The following ANKRD6 variants were observed in gnomAD, a reference collection of about 807,000 sequenced individuals.
ANKRD6 encodes ankyrin repeat domain 6.
In ANKRD6, 56 loss-of-function variants were observed where a neutral mutation model predicts 82.3. The observed-to-expected ratio is 0.68, with a 90% CI of 0.55 to 0.85. ANKRD6 has a LOEUF of 0.85. Ranked by LOEUF, ANKRD6 falls within the 40% of genes least tolerant of loss-of-function variation. The pLI, the probability that ANKRD6 is intolerant of heterozygous loss-of-function variation, is 0.00. For synonymous variants in ANKRD6, 347 were observed against 352.1 expected, an observed-to-expected ratio of 0.99 and a Z score of 0.16; for missense variants, 852 against 907.6, an observed-to-expected ratio of 0.94 and a Z score of 0.79.
intron 1 of ANKRD6, among the ~76,000 whole-genome samples, chr6:89,484,121 T>A (rs1162171329): frequency 6.6e-6 from 1 of 152,240 alleles, no homozygotes; most frequent in Admixed American, 6.5e-5. Context: ...TTGGCCAGGC[T>A]GGTCTCAAAC....
At chr6:89,466,940 C>T (rs1334070009) in intron 1 of ANKRD6, among the ~76,000 whole-genome samples, 1 of 152,160 alleles carries the variant, frequency 6.6e-6, no homozygotes, top group Non-Finnish European at 1.5e-5. Flanking sequence ...CTCCTGAGCT[C>T]AAGTTATTCT....
intron 2 of ANKRD6, among the ~76,000 whole-genome samples, chr6:89,590,847 G>A (rs930244160): frequency 6.6e-6 from 1 of 152,164 alleles, no homozygotes; most frequent in Non-Finnish European, 1.5e-5. Flanking sequence ...AAATGGGTTC[G>A]ATAATAGTGT....
At chr6:89,494,300 G>C (rs1040447208) in intron 1 of ANKRD6, among the ~76,000 whole-genome samples, 1 of 152,256 alleles carries the variant, frequency 6.6e-6, no homozygotes, top group Non-Finnish European at 1.5e-5. Flanking sequence ...CTCTTGATCA[G>C]ATGTCACCTG....
intron 1 of ANKRD6, among the ~76,000 whole-genome samples, chr6:89,519,266 AG>A (rs1182483431): frequency 1.6e-4 from 24 of 152,362 alleles, no homozygotes; most frequent in African/African-American, 5.3e-4. Flanking sequence ...CATACTGCAG[AG>A]AAAAGATCAG....
Position 89,567,069 on chromosome 6 carries a change from C to T in ANKRD6, c.93C>T (p.Asn31=), listed in dbSNP as rs1157612886. 6.2e-7 allele frequency: 1 copy of T among 1,604,184 alleles called. No homozygotes were observed. The highest frequency in any genetic ancestry group is 8.5e-7 in the Non-Finnish European group (1 of 1,175,180). ...CAGAGAATGTGGTTCAGCTCATCAA[C>T]AAGGGCGCCAGGGTAGCGGTTACCA... ...GQTENVVQLI[N]KGARVAVTKH... is the part of the protein sequence containing the mutation. The change falls in exon 2 of 16, where the codon AAC becomes AAT. Residue 31 remains asparagine (N), a synonymous_variant. Transcript: ENST00000339746.
At chr6:89,467,549 T>C (rs938410607) in intron 1 of ANKRD6, among the ~76,000 whole-genome samples, 4 of 152,238 alleles carry the variant, frequency 2.6e-5, no homozygotes, top group Admixed American at 1.3e-4. Context: ...GTTTATGCAC[T>C]GTACTTTTCA....
At chr6:89,498,978 G>T (rs1240923530) in intron 1 of ANKRD6, among the ~76,000 whole-genome samples, 1 of 152,140 alleles carries the variant, frequency 6.6e-6, no homozygotes, top group Admixed American at 6.5e-5. Flanking sequence ...TTCCTCTACT[G>T]TTGAGACTGG....
chr6:89,490,241 T>G (rs1777861748), intron 1 of ANKRD6, among the ~76,000 whole-genome samples: 1 of 152,230 alleles, frequency 6.6e-6, no homozygotes, highest in Non-Finnish European at 1.5e-5. Flanking sequence ...TCAGTGATTT[T>G]TCGGCTGTGG....
intron 3 of ANKRD6, among the ~76,000 whole-genome samples, chr6:89,601,355 C>A (rs1178882345): frequency 6.6e-6 from 1 of 152,074 alleles, no homozygotes; most frequent in African/African-American, 2.4e-5. Flanking sequence ...TCCTGACCCC[C>A]CCTCACTGCA....
intron 1 of ANKRD6, among the ~76,000 whole-genome samples, chr6:89,496,893 C>G (rs867863734): frequency 1.3e-5 from 2 of 152,186 alleles, no homozygotes; most frequent in Admixed American, 1.3e-4. Context: ...AGCATAAACA[C>G]TCACCTTTAT....
chr6:89,552,019 T>C (rs1422701609), intron 1 of ANKRD6, among the ~76,000 whole-genome samples: 1 of 152,240 alleles, frequency 6.6e-6, no homozygotes. Flanking sequence ...GTTGACAATT[T>C]TGTATGTTTG....
intron 1 of ANKRD6, among the ~76,000 whole-genome samples, chr6:89,460,991 C>T (rs1483328017): frequency 6.6e-6 from 1 of 151,490 alleles, no homozygotes; most frequent in East Asian, 1.9e-4. Flanking sequence ...ACTTCTGCCT[C>T]CCGGGTTCAA....
chr6:89,527,411 T>G (rs1212006831), intron 1 of ANKRD6, among the ~76,000 whole-genome samples: 2 of 151,714 alleles, frequency 1.3e-5, no homozygotes, highest in African/African-American at 4.8e-5. Context: ...CTGGCCAACA[T>G]GGTGAAACTC....
At chr6:89,455,870 T>TTCTC (rs893523959) in intron 1 of ANKRD6, among the ~76,000 whole-genome samples, 2 of 151,986 alleles carry the variant, frequency 1.3e-5, no homozygotes, top group African/African-American at 4.8e-5. Flanking sequence ...GGTATTTCTT[T>TTCTC]TCTCTCTCTC....
intron 2 of ANKRD6, chr6:89,568,355 T>A (rs956021209): frequency 6.6e-5 from 10 of 152,238 alleles, no homozygotes; most frequent in African/African-American, 2.4e-4. Flanking sequence ...AGAATTGTTA[T>A]AAGAACAATA....
chr6:89,547,392 C>A (rs1452265617), intron 1 of ANKRD6, among the ~76,000 whole-genome samples: 2 of 152,136 alleles, frequency 1.3e-5, no homozygotes, highest in Non-Finnish European at 2.9e-5. Context: ...GGCCTGCAGA[C>A]CTGATGTTGA....
intron 1 of ANKRD6, among the ~76,000 whole-genome samples, chr6:89,450,503 A>G (rs568353999): frequency 6.6e-6 from 1 of 152,280 alleles, no homozygotes; most frequent in South Asian, 2.1e-4. Flanking sequence ...CATTTTTAGC[A>G]ACAAAGTATT....
At chr6:89,545,967 G>A (rs1785034104) in intron 1 of ANKRD6, among the ~76,000 whole-genome samples, 1 of 152,038 alleles carries the variant, frequency 6.6e-6, no homozygotes. Context: ...ACCACGCCTG[G>A]TAATTTTTTT....
chr6:89,561,201 G>A (rs897567975), intron 1 of ANKRD6: 29 of 152,214 alleles, frequency 1.9e-4, no homozygotes, highest in Non-Finnish European at 4.4e-5. Flanking sequence ...ATGTCACTCA[G>A]CTTTCACTGT....
Sources: gnomAD v4.1 joint callset for allele counts (sites outside exome capture counted in the v4.1 genomes callset) on GRCh38, gnomAD v4.1.1 for gene constraint, MANE v1.5 for transcripts, NCBI Gene and HGNC (gene_info 2026-07-23, HGNC 2026-07-21) for gene names.